The following PTPRD variants were observed in gnomAD, a reference collection of about 807,000 sequenced individuals.
The protein encoded by PTPRD is receptor-type tyrosine-protein phosphatase delta.
PTPRD carries 34 observed loss-of-function variants against 214.5 expected under a neutral mutation model. The ratio of observed to expected loss-of-function variants is 0.16; its 90% CI spans 0.12 to 0.21. The LOEUF (loss-of-function observed/expected upper bound fraction) is 0.21. Ranked by LOEUF, PTPRD falls within the 10% of genes least tolerant of loss-of-function variation. The pLI, the probability that PTPRD is intolerant of heterozygous loss-of-function variation, is 1.00. For missense variants in PTPRD, 2,545 were observed against 2,398.7 expected (o/e 1.06, Z -1.27); for synonymous variants, 1,128 against 845.7 (o/e 1.33, Z -5.79).
rs572718487 is a variant in PTPRD at position 8,986,489 on chromosome 9, CATAA to C, written c.-104+32204_-104+32207del. ...TATTTTTTTCTTATTTTATATACCT[CATAA>C]ATAGTTTAGTATCTTTACTTTTCAT... On this transcript the variant is annotated intron_variant, in intron 11 of 45. Coordinates refer to ENST00000381196, the MANE Select transcript of PTPRD (RefSeq NM_002839.4). 2.7e-3 allele frequency among the ~76,000 whole-genome samples: 405 copies of C among 151,462 alleles called. 2 individuals carry two copies. Among genetic ancestry groups the C allele is most frequent in the African/African-American group, 8.8e-3 (363 of 41,348 alleles).
chr9:10,344,030 TA>T (rs1304834695), intron 2 of PTPRD, among the ~76,000 whole-genome samples: 1 of 146,880 alleles, frequency 6.8e-6, no homozygotes, highest in Non-Finnish European at 1.5e-5. Flanking sequence ...CTCTTTAGTT[TA>T]ATTAGATCCC....
intron 5 of PTPRD, among the ~76,000 whole-genome samples, chr9:9,931,928 C>T (rs367548272): frequency 2.1e-4 from 31 of 149,848 alleles, no homozygotes; most frequent in South Asian, 2.2e-4. Flanking sequence ...CCCTGACCCC[C>T]GAGCAGCCTA....
chr9:10,277,777 T>C (rs1402624149), intron 3 of PTPRD, among the ~76,000 whole-genome samples: 1 of 152,154 alleles, frequency 6.6e-6, no homozygotes, highest in Non-Finnish European at 1.5e-5. Context: ...ATAGTGGAGT[T>C]ACATGAAAAC....
At chr9:10,316,168 T>TATATATACATATATATGTATATATATAC (rs5896387) in intron 3 of PTPRD, among the ~76,000 whole-genome samples, 1 of 134,434 alleles carries the variant, frequency 7.4e-6, no homozygotes, top group Non-Finnish European at 1.5e-5. Flanking sequence ...TATATCTATG[T>TATATATACATATATATGTATATATATAC]ATATATACAT....
intron 14 of PTPRD, among the ~76,000 whole-genome samples, chr9:8,605,589 C>T (rs9697029): frequency 1.3e-5 from 2 of 152,076 alleles, no homozygotes; most frequent in African/African-American, 4.8e-5. Flanking sequence ...GTTACTAAGC[C>T]TCTGGAAGCC....
At chr9:8,659,074 GA>G (rs5896251) in intron 12 of PTPRD, among the ~76,000 whole-genome samples, 27,607 of 147,812 alleles carry the variant, frequency 0.19, 2,792 homozygotes, top group East Asian at 0.3. Context: ...GAAGTAACTG[GA>G]AAAAAAAAAA....
chr9:9,829,614 G>C (rs571704671), intron 5 of PTPRD, among the ~76,000 whole-genome samples: 1 of 151,776 alleles, frequency 6.6e-6, no homozygotes, highest in East Asian at 1.9e-4. Context: ...AAATCAATGT[G>C]ACATGTTTTT....
At chr9:8,491,658 T>TAAAAAAAAAAAAAAA (rs922847603) in intron 27 of PTPRD, among the ~76,000 whole-genome samples, 1 of 113,532 alleles carries the variant, frequency 8.8e-6, no homozygotes. Flanking sequence ...CAATGGTATT[T>TAAAAAAAAAAAAAAA]AAAAAAAAAA....
At chr9:10,431,834 G>A (rs1201070093) in intron 2 of PTPRD, among the ~76,000 whole-genome samples, 1 of 152,014 alleles carries the variant, frequency 6.6e-6, no homozygotes, top group Non-Finnish European at 1.5e-5. Context: ...TTACACTGTT[G>A]GTGGGACTGT....
intron 10 of PTPRD, among the ~76,000 whole-genome samples, chr9:9,164,727 C>A (rs768158947): frequency 2.0e-5 from 3 of 151,914 alleles, no homozygotes; most frequent in Non-Finnish European, 2.9e-5. Context: ...AAAAATTTCT[C>A]CAAGGCTAGA....
intron 9 of PTPRD, among the ~76,000 whole-genome samples, chr9:9,300,762 T>C (rs557636836): frequency 2.6e-5 from 4 of 151,940 alleles, no homozygotes; most frequent in African/African-American, 7.2e-5. Context: ...TTTAGAACTG[T>C]GAAAAATAAA....
At chr9:10,041,806 A>T (rs2097301171) in intron 3 of PTPRD, among the ~76,000 whole-genome samples, 2 of 152,078 alleles carry the variant, frequency 1.3e-5, no homozygotes, top group African/African-American at 4.8e-5. Context: ...AAGTTAATGT[A>T]ACTTAAATAA....
At chr9:8,547,499 C>T (rs990798723) in intron 14 of PTPRD, among the ~76,000 whole-genome samples, 1 of 151,812 alleles carries the variant, frequency 6.6e-6, no homozygotes, top group Non-Finnish European at 1.5e-5. Context: ...AAAAATTAGC[C>T]TGGTGTGGTG....
chr9:9,165,932 GCCTT>G (rs759541457), intron 10 of PTPRD, among the ~76,000 whole-genome samples: 40 of 152,000 alleles, frequency 2.6e-4, no homozygotes, highest in Admixed American at 1.5e-3. Flanking sequence ...TCACAAACCA[GCCTT>G]TTCCCCTTAA....
intron 4 of PTPRD, among the ~76,000 whole-genome samples, chr9:9,964,185 T>C (rs1437272659): frequency 6.9e-6 from 1 of 145,330 alleles, no homozygotes; most frequent in Non-Finnish European, 1.5e-5. Flanking sequence ...GTTTCTCAAA[T>C]TGGGGGAAAA....
chr9:9,008,799 ATAAC>A (rs1422739666), intron 11 of PTPRD, among the ~76,000 whole-genome samples: 3 of 152,168 alleles, frequency 2.0e-5, no homozygotes, highest in Non-Finnish European at 4.4e-5. Context: ...CTCTGTTACT[ATAAC>A]TATTTTTGAG....
At chr9:8,839,199 T>G (rs1178388155) in intron 11 of PTPRD, among the ~76,000 whole-genome samples, 1 of 152,158 alleles carries the variant, frequency 6.6e-6, no homozygotes, top group Non-Finnish European at 1.5e-5. Flanking sequence ...AAATTATCAC[T>G]TCAGTAATTA....
intron 5 of PTPRD, among the ~76,000 whole-genome samples, chr9:9,797,741 G>A (rs182066839): frequency 2.4e-4 from 35 of 147,780 alleles, no homozygotes; most frequent in South Asian, 1.3e-3. Flanking sequence ...AGCTACTCGG[G>A]GGGGGCTGAG....
At chr9:8,834,583 G>A (rs1418766622) in intron 11 of PTPRD, among the ~76,000 whole-genome samples, 1 of 152,100 alleles carries the variant, frequency 6.6e-6, no homozygotes, top group Non-Finnish European at 1.5e-5. Context: ...TATCCCATGT[G>A]TCAGGCATAC....
Sources: gnomAD v4.1 joint callset for allele counts (sites outside exome capture counted in the v4.1 genomes callset) on GRCh38, gnomAD v4.1.1 for gene constraint, MANE v1.5 for transcripts, NCBI Gene and HGNC (gene_info 2026-07-23, HGNC 2026-07-21) for gene names.